Variants in LRRC53 observed in about 807,000 individuals in gnomAD.
LRRC53 encodes the protein leucine rich repeat containing 53.
In LRRC53, 25 loss-of-function variants were observed where a neutral mutation model predicts 13.6. The observed-to-expected ratio is 1.83, with a 90% CI of 1.34 to 2.56. The LOEUF (loss-of-function observed/expected upper bound fraction) is 2.56, where lower values mean the gene tolerates loss of function less well. Among genes scored for constraint, LRRC53 ranks in the 30% most tolerant of loss-of-function variants. The pLI is 0.00. For synonymous variants in LRRC53, 204 were observed against 109.8 expected, an observed-to-expected ratio of 1.86 and a Z score of -5.37; for missense variants, 527 against 275.8, an observed-to-expected ratio of 1.91 and a Z score of -6.45.
chr1:74,475,474 A>C lies in LRRC53; in HGVS notation c.1241T>G (p.Phe414Cys). The change falls in exon 4 of 5, where the codon TTT becomes TGT. Residue 414 changes from phenylalanine (F) to cysteine (C), a missense_variant. Transcript: ENST00000294635. Reference protein sequence around the residue: ...KKDRGVGSTLFCQDGRLLHSE... With the variant: ...KKDRGVGSTLCCQDGRLLHSE... Reference sequence around the variant, plus strand: ...ATGCAGCAATCTACCATCCTGGCAAAATAAAGTGCTGCCTACCCCACGGTC... The same window carrying C: ...ATGCAGCAATCTACCATCCTGGCAACATAAAGTGCTGCCTACCCCACGGTC... The C allele has an allele frequency of 1.4e-6, 1 of 716,998 alleles. No individual in the cohort carries two copies. The highest frequency in any genetic ancestry group is 2.6e-6 in the Non-Finnish European group (1 of 384,856). 44.4% of individuals were successfully genotyped at this position (716,998 alleles called of 1,614,324 possible). A position where few individuals can be genotyped will look rare whatever the true frequency, so the allele number is the denominator to read the frequency against.
intron 1 of LRRC53, among the ~76,000 whole-genome samples, chr1:74,500,460 C>T (rs1028616603): frequency 6.6e-6 from 1 of 151,170 alleles, no homozygotes; most frequent in Admixed American, 6.6e-5. Context: ...AAAAATTAGC[C>T]GGGCGTAGTG....
Position 74,493,299 on chromosome 1 carries a change from A to G in LRRC53, c.-26-9924T>C, listed in dbSNP as rs183417787. Among the ~76,000 whole-genome samples, 8 of 152,332 alleles carry G rather than the reference A, an allele frequency of 5.3e-5. No homozygotes were observed. In the East Asian group the frequency reaches 1.4e-3, roughly 26 times the overall value. On this transcript the variant is annotated intron_variant, in intron 1 of 4. Coordinates refer to ENST00000294635, the MANE Select transcript of LRRC53 (RefSeq NM_001382280.1). ...TTGGAATTAAAATGGTGGTTGTAAA[A>G]CTGTGAATGTACTAAATACCACTGA...
chr1:74,505,118 C>G (rs1383378619), intron 1 of LRRC53, among the ~76,000 whole-genome samples: 3 of 152,180 alleles, frequency 2.0e-5, no homozygotes, highest in African/African-American at 4.8e-5. Flanking sequence ...GGCCCGGGCC[C>G]ACTCTTAAGC....
At chr1:74,508,658 C>A (rs1404466488) in intron 1 of LRRC53, among the ~76,000 whole-genome samples, 2 of 152,180 alleles carry the variant, frequency 1.3e-5, no homozygotes, top group Non-Finnish European at 2.9e-5. Context: ...ACTGAGAAAA[C>A]CAACAGCAAG....
intron 1 of LRRC53, among the ~76,000 whole-genome samples, chr1:74,506,884 C>T (rs368673142): frequency 7.9e-5 from 12 of 152,064 alleles, no homozygotes; most frequent in Non-Finnish European, 1.5e-4. Context: ...ACTGTCTTCT[C>T]GGAAAAGATT....
rs1667894058 is a variant in LRRC53, at chr1:74,470,889, A to C, written c.2733T>G (p.Asn911Lys). 2.5e-6 allele frequency: 1 copy of C among 400,614 alleles called. No individual in the cohort carries two copies. Among genetic ancestry groups the C allele is most frequent in the African/African-American group, 2.1e-5 (1 of 48,692 alleles). The allele number at this position is 400,614 out of a possible 1,614,324, so 24.8% of individuals were successfully genotyped here. The stretch of plus-strand genomic sequence containing the variant: ...GATTTAACTCACTGGTCTTTGATAC[A>C]TTCTGTCCCATGTGCTCAGTGGACT... ...TTESTEHMGQ[N>K]VSKTSELNQF... Residue 911 changes from asparagine to lysine, a missense_variant, in exon 5 of 5, where the codon AAT becomes AAG. Coordinates refer to ENST00000294635, the MANE Select transcript of LRRC53 (RefSeq NM_001382280.1).
At chr1:74,498,788 GA>G in intron 1 of LRRC53, among the ~76,000 whole-genome samples, 1 of 152,158 alleles carries the variant, frequency 6.6e-6, no homozygotes, top group South Asian at 2.1e-4. Context: ...TAAAAGGATA[GA>G]ATATAGGTGA....
the LRRC53 span, among the ~76,000 whole-genome samples, chr1:74,527,634 A>G: frequency 0.42 from 64,154 of 152,078 alleles, 15,507 homozygotes; most frequent in Non-Finnish European, 0.56. Context: ...TGAGGGCTTT[A>G]TCAGCCAGGA....
chr1:74,472,008 G>T lies in LRRC53; in HGVS notation c.1614C>A (p.His538Gln). 1.5e-6 allele frequency: 1 copy of T among 683,292 alleles called. No individual in the cohort carries two copies. 42.3% of individuals were successfully genotyped at this position (683,292 alleles called of 1,614,324 possible). The part of the protein sequence containing the change: ...SSSKPCEPEE[H>Q]YVQKIVQKNR... ...TTTTTTGTACGATCTTTTGTACATA[G>T]TGTTCCTCAGGCTCACAAGGCTTGG... The change falls in exon 5 of 5, where the codon CAC becomes CAA. Residue 538 changes from histidine (H) to glutamine (Q), a missense_variant. Coordinates refer to ENST00000294635, the MANE Select transcript of LRRC53 (RefSeq NM_001382280.1).
At chr1:74,522,724 T>A in the LRRC53 span, among the ~76,000 whole-genome samples, 5 of 152,268 alleles carry the variant, frequency 3.3e-5, no homozygotes, top group Non-Finnish European at 7.4e-5. Flanking sequence ...ATTCATTTTC[T>A]GATTGGAATA....
chr1:74,531,515 A>T, the LRRC53 span, among the ~76,000 whole-genome samples: 1 of 152,202 alleles, frequency 6.6e-6, no homozygotes, highest in South Asian at 2.1e-4. Flanking sequence ...AAGCATAGAA[A>T]GGCATTTACC....
intron 1 of LRRC53, among the ~76,000 whole-genome samples, chr1:74,490,901 A>G (rs988991289): frequency 6.6e-5 from 10 of 152,206 alleles, no homozygotes; most frequent in Non-Finnish European, 1.2e-4. Context: ...AAAAAATAAT[A>G]AAAGTATCAA....
intron 1 of LRRC53, among the ~76,000 whole-genome samples, chr1:74,499,413 G>A (rs943670104): frequency 1.3e-5 from 2 of 152,154 alleles, no homozygotes; most frequent in African/African-American, 4.8e-5. Context: ...TTATAAATAT[G>A]AGCCACTGCA....
chr1:74,475,157 C>CAG, intron 4 of LRRC53, 138 bp downstream of exon 4: 1 of 551,982 alleles, frequency 1.8e-6, no homozygotes, highest in Non-Finnish European at 3.2e-6. Flanking sequence ...CACACACACA[C>CAG]AGTATTTTTA....
the LRRC53 span, among the ~76,000 whole-genome samples, chr1:74,525,479 C>A: frequency 6.6e-6 from 1 of 152,092 alleles, no homozygotes; most frequent in Non-Finnish European, 1.5e-5. Context: ...GACCACTTGG[C>A]CAACTGCATA....
intron 1 of LRRC53, among the ~76,000 whole-genome samples, chr1:74,486,507 C>CTTTT (rs397940623): frequency 5.1e-4 from 70 of 137,094 alleles, no homozygotes; most frequent in African/African-American, 1.7e-3. Context: ...TTGTTTTTTG[C>CTTTT]TTTTTTTTTT....
At chr1:74,520,503 T>A in the LRRC53 span, among the ~76,000 whole-genome samples, 14 of 152,068 alleles carry the variant, frequency 9.2e-5, no homozygotes, top group Non-Finnish European at 1.8e-4. Flanking sequence ...CCCTGTTACC[T>A]CTTCTGCCTC....
At chr1:74,517,974 A>G in the LRRC53 span, among the ~76,000 whole-genome samples, 4 of 152,304 alleles carry the variant, frequency 2.6e-5, no homozygotes, top group African/African-American at 4.8e-5. Flanking sequence ...TAAAGTAACA[A>G]TCTTTGACTG....
chr1:74,510,205 C>T (rs765536503), intron 1 of LRRC53, among the ~76,000 whole-genome samples: 112 of 152,254 alleles, frequency 7.4e-4, no homozygotes, highest in Non-Finnish European at 1.5e-3. Context: ...AATCAGTTCT[C>T]ACCTTTTAAA....
Sources: allele counts gnomAD v4.1 joint callset (sites outside exome capture counted in the v4.1 genomes callset), GRCh38; gene constraint gnomAD v4.1.1; transcripts MANE v1.5; gene names NCBI Gene and HGNC (gene_info 2026-07-23, HGNC 2026-07-21).